HNRNPM: variants seen among roughly 807,000 people sequenced by gnomAD.
The protein encoded by HNRNPM is heterogeneous nuclear ribonucleoprotein M, also known as CEA receptor.
Under a neutral mutation model 73.1 loss-of-function variants are expected in HNRNPM, and 11 were observed. The ratio of observed to expected loss-of-function variants is 0.15; its 90% CI spans 0.09 to 0.25. The LOEUF (loss-of-function observed/expected upper bound fraction) is 0.25. Among genes scored for constraint, HNRNPM ranks in the 10% least tolerant of loss-of-function variants. HNRNPM has a pLI of 1.00. For synonymous variants in HNRNPM, 407 were observed against 355.2 expected (o/e 1.15, Z -1.64); for missense variants, 789 against 1,067.9 (o/e 0.74, Z 3.64).
intron 7 of HNRNPM, among the ~76,000 whole-genome samples, chr19:8,466,620 T>C (rs994813205): frequency 1.3e-5 from 2 of 151,932 alleles, no homozygotes; most frequent in African/African-American, 2.4e-5. Flanking sequence ...TTGAGGTCAG[T>C]TCGAGACCAG....
At chr19:8,452,258 A>G (rs1029377330) in intron 1 of HNRNPM, among the ~76,000 whole-genome samples, 18 of 152,228 alleles carry the variant, frequency 1.2e-4, no homozygotes, top group Admixed American at 1.3e-4. Flanking sequence ...CTGGTGAAAG[A>G]CTGGAAATAA....
At chr19:8,448,126 A>G (rs1348652330) in intron 1 of HNRNPM, among the ~76,000 whole-genome samples, 1 of 152,220 alleles carries the variant, frequency 6.6e-6, no homozygotes, top group African/African-American at 2.4e-5. Flanking sequence ...TTTTATCTTG[A>G]AAGCCTTTGA....
At chr19:8,447,942 C>A (rs555035323) in intron 1 of HNRNPM, among the ~76,000 whole-genome samples, 1 of 152,064 alleles carries the variant, frequency 6.6e-6, no homozygotes, top group Admixed American at 6.6e-5. Flanking sequence ...AGGAGAATGG[C>A]GTGAACCTGG....
At chr19:8,465,773 C>T (rs1969702416) in intron 6 of HNRNPM, among the ~76,000 whole-genome samples, 1 of 152,028 alleles carries the variant, frequency 6.6e-6, no homozygotes, top group Non-Finnish European at 1.5e-5. Flanking sequence ...TCTGCATTCT[C>T]CGTTGGTTTA....
chr19:8,456,584 A>G (rs1969044067), intron 2 of HNRNPM, among the ~76,000 whole-genome samples: 1 of 152,210 alleles, frequency 6.6e-6, no homozygotes, highest in Non-Finnish European at 1.5e-5. Flanking sequence ...GATTTGTCAA[A>G]TGATTTAACA....
intron 1 of HNRNPM, among the ~76,000 whole-genome samples, chr19:8,450,149 G>A (rs1040251994): frequency 6.6e-6 from 1 of 152,180 alleles, no homozygotes; most frequent in African/African-American, 2.4e-5. Context: ...TTAGAGCAGC[G>A]CAGGACTTGA....
chr19:8,450,757 T>C (rs1476695506), intron 1 of HNRNPM, among the ~76,000 whole-genome samples: 18 of 149,904 alleles, frequency 1.2e-4, no homozygotes. Context: ...GGAGTTTTGC[T>C]CTTGTTGCCC....
At chr19:8,488,451 G>C in intron 15 of HNRNPM, 1 of 426,124 alleles carries the variant, frequency 2.3e-6, no homozygotes, top group South Asian at 4.9e-5. Flanking sequence ...CTTCTTTTTT[G>C]AACTTCCTGA....
chr19:8,488,317 A>T (rs1293379252), intron 15 of HNRNPM: 1 of 165,034 alleles, frequency 6.1e-6, no homozygotes, highest in East Asian at 1.7e-4. Context: ...TTTCATTTGG[A>T]CAGTACAGAC....
intron 12 of HNRNPM, among the ~76,000 whole-genome samples, chr19:8,474,795 A>G (rs1194882323): frequency 6.6e-6 from 1 of 150,418 alleles, no homozygotes; most frequent in Non-Finnish European, 1.5e-5. Flanking sequence ...GCTCACTGCA[A>G]CCTCCGCCTC....
chr19:8,465,277 C>A, intron 5 of HNRNPM, 47 bp from the exon 6 acceptor site: 1 of 1,435,448 alleles, frequency 7.0e-7, no homozygotes, highest in Non-Finnish European at 9.5e-7. Flanking sequence ...GCATGGTTTG[C>A]GTTGTACTGG....
chr19:8,472,172 GAAAAA>G (rs34058302), intron 10 of HNRNPM, among the ~76,000 whole-genome samples: 3 of 83,574 alleles, frequency 3.6e-5, no homozygotes, highest in East Asian at 5.9e-4. Context: ...TCCGTCTCCA[GAAAAA>G]AAAAAAAAAA....
chr19:8,463,235 C>T (rs1969509431), intron 3 of HNRNPM, among the ~76,000 whole-genome samples: 1 of 152,102 alleles, frequency 6.6e-6, no homozygotes, highest in Non-Finnish European at 1.5e-5. Context: ...GAATTTAGGT[C>T]TGCTTATTAA....
chr19:8,473,322 G>C (rs1038144696), intron 10 of HNRNPM, among the ~76,000 whole-genome samples: 1 of 152,000 alleles, frequency 6.6e-6, no homozygotes, highest in African/African-American at 2.4e-5. Context: ...TTAGCCAGGC[G>C]TGGTAGCAGG....
chr19:8,480,999 T>TG (rs930719240), intron 12 of HNRNPM, among the ~76,000 whole-genome samples: 1 of 151,742 alleles, frequency 6.6e-6, no homozygotes, highest in African/African-American at 2.4e-5. Context: ...GTTCTCAGAG[T>TG]GGTTGGGTTG....
At chr19:8,474,733 G>A (rs1477131105) in intron 12 of HNRNPM, among the ~76,000 whole-genome samples, 2 of 73,048 alleles carry the variant, frequency 2.7e-5, no homozygotes, top group Admixed American at 2.6e-4. Flanking sequence ...TTTTTTTTTT[G>A]AGACAGGGTC....
At chr19:8,467,359 A>G (rs748515523) in intron 7 of HNRNPM, among the ~76,000 whole-genome samples, 176 bp from the exon 8 acceptor site, 10 of 152,216 alleles carry the variant, frequency 6.6e-5, no homozygotes, top group East Asian at 1.9e-4. Context: ...CCTCCCCGCC[A>G]GCTTTATTTA....
At chr19:8,458,643 G>A (rs1969187805) in intron 2 of HNRNPM, among the ~76,000 whole-genome samples, 1 of 152,230 alleles carries the variant, frequency 6.6e-6, no homozygotes, top group South Asian at 2.1e-4. Flanking sequence ...TTTACCCTCA[G>A]TCGATCCGAA....
intron 1 of HNRNPM, among the ~76,000 whole-genome samples, chr19:8,447,588 C>T (rs1394157293): frequency 2.6e-5 from 4 of 151,960 alleles, no homozygotes; most frequent in Non-Finnish European, 4.4e-5. Flanking sequence ...TATGCTTTAT[C>T]GAGAACTGAA....
Sources: allele counts gnomAD v4.1 joint callset (sites outside exome capture counted in the v4.1 genomes callset), GRCh38; gene constraint gnomAD v4.1.1; transcripts MANE v1.5; gene names NCBI Gene and HGNC (gene_info 2026-07-23, HGNC 2026-07-21).